Variants in CCDC61 observed in about 807,000 individuals in gnomAD.
CCDC61 encodes coiled-coil domain containing 61.
CCDC61 carries 55 observed loss-of-function variants against 63.0 expected under a neutral mutation model. The observed-to-expected ratio is 0.87, with a 90% CI of 0.70 to 1.09. CCDC61 has a LOEUF of 1.09. Ranked by LOEUF, CCDC61 falls within the 50% of genes least tolerant of loss-of-function variation. CCDC61 has a pLI of 0.00. For missense variants in CCDC61, 651 were observed against 731.4 expected, an observed-to-expected ratio of 0.89 and a Z score of 1.27; for synonymous variants, 270 against 317.0, an observed-to-expected ratio of 0.85 and a Z score of 1.58.
Position 46,016,448 on chromosome 19 carries a change from G to A in CCDC61, c.1091+55G>A, listed in dbSNP as rs1410316025. On this transcript the variant is annotated intron_variant, in intron 9 of 13. Coordinates refer to ENST00000595358, the MANE Select transcript of CCDC61 (RefSeq NM_001267723.2). The surrounding 1 kb of genome is among the most constrained non-coding windows in gnomAD (Gnocchi z 7.2). ...CTGTCCCTGGCCCGTGCCCGCTCCCGGGCTCTCATCTCTCCACGCCACCAT... is the reference window on the plus strand; with the variant it reads ...CTGTCCCTGGCCCGTGCCCGCTCCCAGGCTCTCATCTCTCCACGCCACCAT... 17 of 1,589,608 alleles carry A rather than the reference G, an allele frequency of 1.1e-5. No homozygotes were observed. The highest frequency in any genetic ancestry group is 8.6e-6 in the Non-Finnish European group (10 of 1,162,202).
Position 46,002,996 on chromosome 19 carries a change from C to T in CCDC61, c.-11-12C>T. 1.3e-6 allele frequency: 2 copies of T among 1,552,282 alleles called. No homozygotes were observed. Among genetic ancestry groups the T allele is most frequent in the Non-Finnish European group, 1.7e-6 (2 of 1,147,188 alleles). On this transcript the variant is annotated splice_polypyrimidine_tract_variant and intron_variant, in intron 1 of 13. Coordinates refer to ENST00000595358, the MANE Select transcript of CCDC61 (RefSeq NM_001267723.2). ...GAGCTCCTCTAGGTTTCTCTCTCATCTCCTTCTCCAGCAACCTTGGCCATG... is the reference window on the plus strand; with the variant it reads ...GAGCTCCTCTAGGTTTCTCTCTCATTTCCTTCTCCAGCAACCTTGGCCATG...
intron 3 of CCDC61, among the ~76,000 whole-genome samples, chr19:46,004,726 A>G (rs1196132889): frequency 1.3e-5 from 2 of 152,048 alleles, no homozygotes; most frequent in Non-Finnish European, 2.9e-5. Flanking sequence ...TGGCTTCCCA[A>G]AGTGTTGCAA....
chr19:46,004,698 C>G (rs1417041360), intron 3 of CCDC61, among the ~76,000 whole-genome samples: 1 of 152,092 alleles, frequency 6.6e-6, no homozygotes, highest in Non-Finnish European at 1.5e-5. Flanking sequence ...TACCTGATCT[C>G]AAGTAATCCT....
Position 46,018,174 on chromosome 19 carries a change from C to T in CCDC61, c.1441+24C>T. On this transcript the variant is annotated intron_variant, in intron 13 of 13. Transcript: ENST00000595358. The surrounding 1 kb of genome is among the most constrained non-coding windows in gnomAD (Gnocchi z 4.2). The stretch of plus-strand genomic sequence containing the variant: ...AGGTGAGCCTGGGACTCCACATCCC[C>T]TCTCCCAGCCCCAGGACCCGTTGGA... 1 of 1,588,792 alleles carries T rather than the reference C, an allele frequency of 6.3e-7. No homozygotes were observed. The highest frequency in any genetic ancestry group is 8.6e-7 in the Non-Finnish European group (1 of 1,167,606).
In CCDC61 at chr19:46,017,232, A is replaced by C. The variant is rs775955966; in HGVS notation, c.1311-15A>C. On this transcript the variant is annotated splice_polypyrimidine_tract_variant and intron_variant, in intron 11 of 13. Transcript: ENST00000595358. ...GCCTCCCCACCACTGGTCCTTGGTT[A>C]CTCCTTTTTCTCAGGGGTCACCGCC... 1 of 1,558,484 alleles carries C rather than the reference A, an allele frequency of 6.4e-7. No homozygotes were observed. Among genetic ancestry groups the C allele is most frequent in the South Asian group, 1.2e-5 (1 of 84,552 alleles).
chr19:46,014,680 G>GGGA (rs1304261014), intron 5 of CCDC61, among the ~76,000 whole-genome samples: 24 of 152,166 alleles, frequency 1.6e-4, no homozygotes, highest in Non-Finnish European at 2.9e-4. Flanking sequence ...CTGGCGAGGT[G>GGGA]GGAGGAGGAG....
chr19:46,013,262 G>T (rs1968863121), intron 5 of CCDC61, among the ~76,000 whole-genome samples: 1 of 152,026 alleles, frequency 6.6e-6, no homozygotes, highest in Non-Finnish European at 1.5e-5. Context: ...GACCTCAGGT[G>T]ATCTGCCTGC....
chr19:45,996,378 T>C (rs1237944624), intron 1 of CCDC61: 3 of 152,236 alleles, frequency 2.0e-5, no homozygotes, highest in Middle Eastern at 3.4e-3. Flanking sequence ...CCAAACCCAG[T>C]TGATGGGACA....
chr19:46,004,280 A>G (rs1968654455), intron 3 of CCDC61, among the ~76,000 whole-genome samples: 1 of 152,144 alleles, frequency 6.6e-6, no homozygotes. Flanking sequence ...TCTCATAAAA[A>G]TGTAGTCACA....
rs1242032896 is a variant in CCDC61, at chr19:46,018,045, G to C, written c.1369-33G>C. The C allele has an allele frequency of 6.4e-7, 1 of 1,570,268 alleles. No homozygotes were observed. Among genetic ancestry groups the C allele is most frequent in the Non-Finnish European group, 8.7e-7 (1 of 1,153,490 alleles). On this transcript the variant is annotated intron_variant, in intron 12 of 13. Transcript: ENST00000595358. This position sits in a 1 kb window ranked among gnomAD's most constrained non-coding sequence, Gnocchi z 4.2. ...GGGGGACAGAAATAGAGGGACGGTG[G>C]GTGACCCCCTTTCCTACCTTCCCCA...
In CCDC61 at chr19:46,016,900, G is replaced by T; in HGVS notation, c.1231+67G>T. On this transcript the variant is annotated intron_variant, in intron 10 of 13. Coordinates refer to ENST00000595358, the MANE Select transcript of CCDC61 (RefSeq NM_001267723.2). The surrounding 1 kb of genome is among the most constrained non-coding windows in gnomAD (Gnocchi z 7.2). Reference sequence around the variant, plus strand: ...TGGGCGGGGCTGGGCGGGCTGGGAGGCACTGGGCAGGGCGGGCGGGCTGGG... The same window carrying T: ...TGGGCGGGGCTGGGCGGGCTGGGAGTCACTGGGCAGGGCGGGCGGGCTGGG... 1 of 641,254 alleles carries T rather than the reference G, an allele frequency of 1.6e-6. No homozygotes were observed. The allele number at this position is 641,254 out of a possible 1,614,324, so 39.7% of individuals were successfully genotyped here.
intron 5 of CCDC61, among the ~76,000 whole-genome samples, chr19:46,013,815 AAGATCGT>A (rs1968873672): frequency 6.6e-6 from 1 of 151,952 alleles, no homozygotes; most frequent in South Asian, 2.1e-4. Flanking sequence ...GCAGTGAGCC[AAGATCGT>A]GCCACTGCAC....
chr19:46,013,280 T>C (rs1359770045), intron 5 of CCDC61, among the ~76,000 whole-genome samples: 1 of 152,056 alleles, frequency 6.6e-6, no homozygotes. Context: ...TGCCTTGGCC[T>C]CCCAAAGTGC....
intron 1 of CCDC61, among the ~76,000 whole-genome samples, chr19:45,996,055 C>T (rs1968486150): frequency 6.6e-6 from 1 of 152,214 alleles, no homozygotes; most frequent in Non-Finnish European, 1.5e-5. Flanking sequence ...AGAATGTGGG[C>T]TCTGGCGTCG....
In CCDC61 at chr19:46,015,982, G is replaced by A; in HGVS notation, c.846-72G>A. ...AGGCCTGAGGGTTCGGAGAAGGTGC[G>A]GTCGGGGAGGAGTCTCGCGATTGAG... On this transcript the variant is annotated intron_variant, in intron 7 of 13. Transcript: ENST00000595358. The surrounding 1 kb of genome is among the most constrained non-coding windows in gnomAD (Gnocchi z 5.3). The A allele has an allele frequency of 8.3e-7, 1 of 1,205,678 alleles. No individual in the cohort carries two copies. Among genetic ancestry groups the A allele is most frequent in the South Asian group, 4.2e-5 (1 of 23,694 alleles). 74.7% of individuals were successfully genotyped at this position (1,205,678 alleles called of 1,614,324 possible).
At position 46,018,546 on chromosome 19, in the gene CCDC61, C is replaced by G; in HGVS notation, c.*159C>G. The stretch of plus-strand genomic sequence containing the variant: ...AGGTGTGTGAGGCCCTGACCCTGCC[C>G]TCTCCCCAGGCAGTGCATGCTGGGA... On this transcript the variant is annotated 3_prime_UTR_variant, in exon 14 of 14. Coordinates refer to ENST00000595358, the MANE Select transcript of CCDC61 (RefSeq NM_001267723.2). This position sits in a 1 kb window ranked among gnomAD's most constrained non-coding sequence, Gnocchi z 4.2. The G allele has an allele frequency of 3.3e-6, 2 of 603,628 alleles. No individual in the cohort carries two copies. Among genetic ancestry groups the G allele is most frequent in the East Asian group, 5.7e-5 (2 of 35,198 alleles). 37.4% of individuals were successfully genotyped at this position (603,628 alleles called of 1,614,324 possible).
At chr19:46,003,556 C>A in intron 3 of CCDC61, 55 bp downstream of exon 3, 1 of 1,327,892 alleles carries the variant, frequency 7.5e-7, no homozygotes, top group Non-Finnish European at 1.1e-6. Context: ...TTCCAGGTTC[C>A]AGGGGGGTTG....
intron 5 of CCDC61, among the ~76,000 whole-genome samples, chr19:46,014,357 A>G (rs12611369): frequency 0.29 from 43,887 of 151,950 alleles, 6,583 homozygotes; most frequent in African/African-American, 0.35. Flanking sequence ...TATAATTCTC[A>G]TTTCTTTTAT....
chr19:46,017,993 T>C, intron 12 of CCDC61, 85 bp from the exon 13 acceptor site: 1 of 1,260,672 alleles, frequency 7.9e-7, no homozygotes, highest in Non-Finnish European at 1.1e-6. Context: ...CCAAGGTCCT[T>C]AGGCTCAGGA....
Sources: allele counts gnomAD v4.1 joint callset (sites outside exome capture counted in the v4.1 genomes callset), GRCh38; gene constraint gnomAD v4.1.1; non-coding constraint Gnocchi (gnomAD v3.1); transcripts MANE v1.5; gene names NCBI Gene and HGNC (gene_info 2026-07-23, HGNC 2026-07-21).